Variants in GPSM1 observed in about 807,000 individuals in gnomAD.
GPSM1 encodes the protein G protein-signaling modulator 1.
A neutral mutation model predicts 70.5 loss-of-function variants in GPSM1; 48 were observed. That is an observed-to-expected ratio of 0.68 (90% CI 0.54 to 0.87). The LOEUF is 0.87. GPSM1 is among the 40% of genes least tolerant of loss of function. GPSM1 has a pLI of 0.00. For synonymous variants in GPSM1, 416 were observed against 430.1 expected (o/e 0.97, Z 0.41); for missense variants, 981 against 972.6 (o/e 1.01, Z -0.11).
chr9:136,350,790 G>A (rs1473126010), intron 11 of GPSM1, among the ~76,000 whole-genome samples: 17 of 152,332 alleles, frequency 1.1e-4, no homozygotes, highest in Admixed American at 2.0e-4. Flanking sequence ...GGAGCCCCCC[G>A]CGTTGCTGTG....
rs1200368408 is a variant in GPSM1, at chr9:136,343,614, C to T, written c.1207+2621C>T. Among the ~76,000 whole-genome samples, 2 of 152,220 alleles carry T rather than the reference C, an allele frequency of 1.3e-5. No individual in the cohort carries two copies. The highest frequency in any genetic ancestry group is 2.9e-5 in the Non-Finnish European group (2 of 68,030). On this transcript the variant is annotated intron_variant, in intron 9 of 13. Transcript: ENST00000440944. The surrounding 1 kb of genome is among the most constrained non-coding windows in gnomAD (Gnocchi z 6.0). ...GATGTGCATGGCATAACCTCCCCTG[C>T]AGTTTAGGCTGTGGGCTCCAGCCCT...
rs1832408635 is a variant in GPSM1, at chr9:136,342,222, G to C, written c.1207+1229G>C. 6.6e-6 allele frequency among the ~76,000 whole-genome samples: 1 copy of C among 152,124 alleles called. No homozygotes were observed. Among genetic ancestry groups the C allele is most frequent in the East Asian group, 1.9e-4 (1 of 5,184 alleles). ...GTGGGGAGCTCTGCCGAGAGCTCCT[G>C]CGGCACCCCTAGTACCCTCCTGTGT... On this transcript the variant is annotated intron_variant, in intron 9 of 13. Transcript: ENST00000440944. This position sits in a 1 kb window ranked among gnomAD's most constrained non-coding sequence, Gnocchi z 5.5.
At chr9:136,354,627 GC>G (rs1339254455) in intron 11 of GPSM1, among the ~76,000 whole-genome samples, 1 of 152,242 alleles carries the variant, frequency 6.6e-6, no homozygotes, top group Non-Finnish European at 1.5e-5. Context: ...ACACCCTTCA[GC>G]CCTGGGGCCC....
rs373400275 is a variant in GPSM1 at position 136,348,573 on chromosome 9, A to AG, written c.1208-118dup. 9.3e-4 allele frequency: 605 copies of AG among 649,944 alleles called. No individual in the cohort carries two copies. In the African/African-American group the frequency reaches 9.7e-3, roughly 10 times the overall value. 40.3% of individuals were successfully genotyped at this position (649,944 alleles called of 1,614,324 possible). A position where few individuals can be genotyped will look rare whatever the true frequency, so the allele number is the denominator to read the frequency against. On this transcript the variant is annotated intron_variant, in intron 9 of 13. Transcript: ENST00000440944. ...CTCAGACATGGCGCTCGCCTCCACA[A>AG]GGGGGGCTGGCTGTCAGAAAGCCAT...
chr9:136,337,736 G>A (rs1268883646), intron 5 of GPSM1, 110 bp from the exon 6 acceptor site: 24 of 1,020,262 alleles, frequency 2.4e-5, no homozygotes, highest in Admixed American at 2.0e-4. Context: ...CTGCTCACCC[G>A]GACACACAGA....
At chr9:136,336,453 A>G (rs1305640536) in intron 3 of GPSM1, among the ~76,000 whole-genome samples, 2 of 152,160 alleles carry the variant, frequency 1.3e-5, no homozygotes, top group African/African-American at 4.8e-5. Flanking sequence ...GGCCGATTTC[A>G]ATGGCGGTGG....
At chr9:136,330,805 G>T (rs1303974336) in intron 1 of GPSM1, among the ~76,000 whole-genome samples, 1 of 152,132 alleles carries the variant, frequency 6.6e-6, no homozygotes, top group East Asian at 1.9e-4. Flanking sequence ...AACTGGCCTT[G>T]GTGATGGCAC....
rs1360289146 is a variant in GPSM1, at chr9:136,357,868, G to A, written c.1822-146G>A. 14 of 625,258 alleles carry A rather than the reference G, an allele frequency of 2.2e-5. No individual in the cohort carries two copies. In the Admixed American group the frequency reaches 2.6e-4, roughly 12 times the overall value. The allele number at this position is 625,258 out of a possible 1,614,324, so 38.7% of individuals were successfully genotyped here. On this transcript the variant is annotated intron_variant, in intron 13 of 13. Coordinates refer to ENST00000440944, the MANE Select transcript of GPSM1 (RefSeq NM_001145638.3). ...GGCTCCCAGCACAAGACCCCAGAGCGAGGCAGGCCCCAGAACCAATTTCCT... is the reference window on the plus strand; with the variant it reads ...GGCTCCCAGCACAAGACCCCAGAGCAAGGCAGGCCCCAGAACCAATTTCCT...
At chr9:136,329,883 TC>T (rs1440565597) in intron 1 of GPSM1, among the ~76,000 whole-genome samples, 5 of 127,618 alleles carry the variant, frequency 3.9e-5, no homozygotes, top group Admixed American at 3.1e-4. Context: ...GGGTGCTGGG[TC>T]GGTGGGGACG....
In GPSM1 at chr9:136,327,591, A is replaced by G; in HGVS notation, c.-105A>G. The stretch of plus-strand genomic sequence containing the variant: ...ACGGGCGAACGAGGCGCGGACGGAC[A>G]GGCGGACAGCAGGGCGGACAGCAGG... On this transcript the variant is annotated 5_prime_UTR_variant, in exon 1 of 14. Coordinates refer to ENST00000440944, the MANE Select transcript of GPSM1 (RefSeq NM_001145638.3). 1 of 215,498 alleles carries G rather than the reference A, an allele frequency of 4.6e-6. No individual in the cohort carries two copies. Among genetic ancestry groups the G allele is most frequent in the Non-Finnish European group, 8.5e-6 (1 of 117,686 alleles). The allele number at this position is 215,498 out of a possible 1,614,324, so 13.3% of individuals were successfully genotyped here. A position where few individuals can be genotyped will look rare whatever the true frequency, so the allele number is the denominator to read the frequency against.
intron 4 of GPSM1, 81 bp from the exon 5 acceptor site, chr9:136,337,360 G>A: frequency 2.6e-6 from 4 of 1,527,920 alleles, no homozygotes; most frequent in Non-Finnish European, 3.5e-6. Flanking sequence ...CCGCATGGAG[G>A]CCGCTACTCA....
intron 11 of GPSM1, among the ~76,000 whole-genome samples, chr9:136,353,772 C>T (rs558749077): frequency 5.9e-5 from 9 of 152,102 alleles, no homozygotes; most frequent in Non-Finnish European, 8.8e-5. Context: ...AGAGGCCCCC[C>T]GCGGCTGTGC....
intron 13 of GPSM1, among the ~76,000 whole-genome samples, chr9:136,357,028 C>T (rs3923827): frequency 0.54 from 81,699 of 152,118 alleles, 22,196 homozygotes; most frequent in East Asian, 0.67. Flanking sequence ...ACGGCATGGG[C>T]GGAGGGTCCA....
chr9:136,341,053 T>C lies in GPSM1; in HGVS notation c.1207+60T>C. On this transcript the variant is annotated intron_variant, in intron 9 of 13. Coordinates refer to ENST00000440944, the MANE Select transcript of GPSM1 (RefSeq NM_001145638.3). The surrounding 1 kb of genome is among the most constrained non-coding windows in gnomAD (Gnocchi z 6.7). ...CACAGGCACGGACCGCATCAGGAGC[T>C]GCGGAGGGGTGGGATCGAGGCCAGG... 3 of 1,554,140 alleles carry C rather than the reference T, an allele frequency of 1.9e-6. No homozygotes were observed. The highest frequency in any genetic ancestry group is 2.6e-6 in the Non-Finnish European group (3 of 1,149,176).
At chr9:136,352,162 GAC>G (rs1554772238) in intron 11 of GPSM1, among the ~76,000 whole-genome samples, 4 of 139,496 alleles carry the variant, frequency 2.9e-5, no homozygotes, top group East Asian at 4.8e-4. Flanking sequence ...TGCTGTTGGT[GAC>G]ACCAATGCTG....
At position 136,338,681 on chromosome 9, in the gene GPSM1, C is replaced by A; in HGVS notation, c.945C>A (p.His315Gln). Reference protein sequence around the residue: ...YERAAEYHLRHLLIAQELADR... With the variant: ...YERAAEYHLRQLLIAQELADR... ...GCGCGGCCGAGTACCACCTGCGGCA[C>A]CTGCTCATTGCCCAGGAGCTGGCCG... Residue 315 changes from histidine to glutamine, a missense_variant, in exon 7 of 14, where the codon CAC becomes CAA. Coordinates refer to ENST00000440944, the MANE Select transcript of GPSM1 (RefSeq NM_001145638.3). The A allele has an allele frequency of 6.4e-7, 1 of 1,566,986 alleles. No homozygotes were observed. The highest frequency in any genetic ancestry group is 8.6e-7 in the Non-Finnish European group (1 of 1,157,428).
intron 2 of GPSM1, 25 bp from the exon 3 acceptor site, chr9:136,335,941 C>T: frequency 6.2e-7 from 1 of 1,609,760 alleles, no homozygotes; most frequent in Non-Finnish European, 8.5e-7. Context: ...CTCAGCCTGA[C>T]CCCTCACTCC....
At chr9:136,337,191 C>T (rs781861272) in intron 4 of GPSM1, 119 bp downstream of exon 4, 516 of 1,088,786 alleles carry the variant, frequency 4.7e-4, no homozygotes, top group Non-Finnish European at 6.0e-4. Flanking sequence ...AGGGCAGTGA[C>T]GGCCAGGTCC....
At chr9:136,329,858 T>C (rs1470701796) in intron 1 of GPSM1, among the ~76,000 whole-genome samples, 17 of 126,460 alleles carry the variant, frequency 1.3e-4, no homozygotes, top group African/African-American at 5.3e-4. Context: ...GCTGGGTCGG[T>C]GGGGACGGGC....
Sources: gnomAD v4.1 joint callset for allele counts (sites outside exome capture counted in the v4.1 genomes callset) on GRCh38, gnomAD v4.1.1 for gene constraint, Gnocchi (gnomAD v3.1) non-coding constraint, MANE v1.5 for transcripts, NCBI Gene and HGNC (gene_info 2026-07-23, HGNC 2026-07-21) for gene names.